Variants in KLK5 observed in about 807,000 individuals in gnomAD.
KLK5 encodes the protein kallikrein related peptidase 5, also known as kallikrein-5.
A neutral mutation model predicts 24.0 loss-of-function variants in KLK5; 18 were observed. The observed-to-expected ratio is 0.75, with a 90% confidence interval of 0.52 to 1.11. The LOEUF is 1.11. KLK5 is among the 50% of genes most tolerant of loss of function. The pLI is 0.00. For synonymous variants in KLK5, 140 were observed against 154.0 expected, an observed-to-expected ratio of 0.91 and a Z score of 0.67; for missense variants, 374 against 379.2, an observed-to-expected ratio of 0.99 and a Z score of 0.11.
At position 50,948,357 on chromosome 19, in the gene KLK5, A is replaced by G. The variant is rs141071763; in HGVS notation, c.726+283T>C. ...AGGCTAGTCTCAAACTCCTGACCAA[A>G]GGTGATCTGCCTGCCTCAGCCTCCC... is the stretch of plus-strand genomic sequence containing the variant. On this transcript the variant is annotated intron_variant, in intron 5 of 5. Transcript: ENST00000336334. Among the ~76,000 whole-genome samples the G allele has an allele frequency of 1.2e-3, 182 of 152,262 alleles. 3 individuals carry two copies. In the East Asian group the frequency reaches 0.032, roughly 27 times the overall value.
Position 50,943,408 on chromosome 19 carries a change from A to G in KLK5, c.*223T>C. 2.2e-6 allele frequency: 1 copy of G among 461,696 alleles called. No individual in the cohort carries two copies. Among genetic ancestry groups the G allele is most frequent in the East Asian group, 3.4e-5 (1 of 29,840 alleles). 28.6% of individuals were successfully genotyped at this position (461,696 alleles called of 1,614,324 possible). A position where few individuals can be genotyped will look rare whatever the true frequency, so the allele number is the denominator to read the frequency against. On this transcript the variant is annotated 3_prime_UTR_variant, in exon 6 of 6. Transcript: ENST00000336334. ...AGTGCCCCAGGGAGATTGAGACGCA[A>G]CCCCCGCCCTGGACAGTTTTGGAAA...
At chr19:50,950,506 T>C (rs1220476850) in intron 2 of KLK5, among the ~76,000 whole-genome samples, 1 of 151,626 alleles carries the variant, frequency 6.6e-6, no homozygotes, top group Non-Finnish European at 1.5e-5. Context: ...CAGGCCTCAG[T>C]GAGTGGGGTC....
At chr19:50,949,584 C>T (rs1266156555) in intron 3 of KLK5, among the ~76,000 whole-genome samples, 1 of 151,874 alleles carries the variant, frequency 6.6e-6, no homozygotes, top group Non-Finnish European at 1.5e-5. Flanking sequence ...GGCTCCTTCC[C>T]ATTCCCTACC....
In KLK5 at chr19:50,949,913, A is replaced by C. The variant is rs1859992758; in HGVS notation, c.277T>G (p.Cys93Gly). 6.2e-7 allele frequency: 1 copy of C among 1,608,380 alleles called. No individual in the cohort carries two copies. ...ALLLRPNQLY[C>G]GAVLVHPQWL... ...TGTGGATGCACCAACACCGCCCCGC[A>C]GTAGAGCTGGTTGGGCCTTAGCAAC... The change falls in exon 3 of 6, where the codon TGC (cysteine) becomes GGC (glycine). Residue 93 changes from cysteine to glycine, a missense_variant. Coordinates refer to ENST00000336334, the MANE Select transcript of KLK5 (RefSeq NM_012427.5).
intron 2 of KLK5, 90 bp from the exon 3 acceptor site, chr19:50,950,206 G>A: frequency 1.5e-6 from 2 of 1,329,786 alleles, no homozygotes; most frequent in Non-Finnish European, 2.1e-6. Context: ...CCAGCTAGAG[G>A]GTGGGTGTCT....
chr19:50,951,084 A>G (rs1463574184), intron 2 of KLK5, among the ~76,000 whole-genome samples: 1 of 151,952 alleles, frequency 6.6e-6, no homozygotes, highest in Non-Finnish European at 1.5e-5. Flanking sequence ...CAGGACCAGG[A>G]AAGAAGGGCT....
At chr19:50,949,146 C>G (rs757274792) in intron 3 of KLK5, 31 bp from the exon 4 acceptor site, 69 of 1,600,264 alleles carry the variant, frequency 4.3e-5, no homozygotes, top group Non-Finnish European at 5.5e-5. Flanking sequence ...CACCACCAAC[C>G]CTGATCTCTA....
chr19:50,943,576 T>G lies in KLK5; in HGVS notation c.*55A>C, dbSNP rs1476011463. On this transcript the variant is annotated 3_prime_UTR_variant, in exon 6 of 6. Transcript: ENST00000336334. Reference sequence around the variant, plus strand: ...AAGGAATGAGGGTCTGAAAGGAGTGTCAGGGCTGTCCCTGCAGCAGGTGGG... The same window carrying G: ...AAGGAATGAGGGTCTGAAAGGAGTGGCAGGGCTGTCCCTGCAGCAGGTGGG... The G allele has an allele frequency of 6.6e-7, 1 of 1,523,370 alleles. No individual in the cohort carries two copies. Among genetic ancestry groups the G allele is most frequent in the Admixed American group, 1.7e-5 (1 of 58,972 alleles). 94.4% of individuals were successfully genotyped at this position (1,523,370 alleles called of 1,614,324 possible).
chr19:50,947,701 G>C lies in KLK5; in HGVS notation c.726+939C>G, dbSNP rs773256280. ...TCCTCAAGATATTTTACCAGCACTT[G>C]CTAGAAAACTGTCATATTACAGATT... is the stretch of plus-strand genomic sequence containing the variant. On this transcript the variant is annotated intron_variant, in intron 5 of 5. Coordinates refer to ENST00000336334, the MANE Select transcript of KLK5 (RefSeq NM_012427.5). The surrounding 1 kb of genome is among the most constrained non-coding windows in gnomAD (Gnocchi z 8.7). 1.2e-4 allele frequency among the ~76,000 whole-genome samples: 19 copies of C among 152,072 alleles called. No homozygotes were observed. Among genetic ancestry groups the C allele is most frequent in the Non-Finnish European group, 2.5e-4 (17 of 68,024 alleles).
At chr19:50,944,837 G>T (rs973268466) in intron 5 of KLK5, among the ~76,000 whole-genome samples, 2 of 152,020 alleles carry the variant, frequency 1.3e-5, no homozygotes, top group South Asian at 4.2e-4. Flanking sequence ...CATTCGCTTG[G>T]ACTAATTTGT....
intron 5 of KLK5, 72 bp downstream of exon 5, chr19:50,948,559 GATTCTCAGA>G: frequency 6.9e-7 from 1 of 1,452,282 alleles, no homozygotes. Flanking sequence ...GCAATTGCTG[GATTCTCAGA>G]ATTTGGCAAC....
intron 3 of KLK5, 116 bp downstream of exon 3, chr19:50,949,739 A>ACCCCCCCTCCCCCCCCC: frequency 6.9e-6 from 3 of 432,322 alleles, no homozygotes; most frequent in South Asian, 4.8e-5. Flanking sequence ...GACACCCCCA[A>ACCCCCCCTCCCCCCCCC]CCCCACTTCC....
intron 2 of KLK5, among the ~76,000 whole-genome samples, chr19:50,950,890 C>CAA (rs10650166): frequency 0.86 from 85,497 of 99,934 alleles, 37,976 homozygotes; most frequent in South Asian, 0.95. Context: ...AGACTGTCTC[C>CAA]AAAAAAAAAA....
intron 2 of KLK5, among the ~76,000 whole-genome samples, chr19:50,952,073 C>T (rs1012821337): frequency 2.0e-5 from 3 of 152,044 alleles, no homozygotes; most frequent in Admixed American, 6.6e-5. Context: ...GCATCCATAA[C>T]GTCACACTCA....
chr19:50,949,126 T>C lies in KLK5; in HGVS notation c.336-11A>G. ...CGGACTCTGAAAACTCTGAGGAAGATGGGGCAGGTCACCACCAACCCTGAT... is the reference window on the plus strand; with the variant it reads ...CGGACTCTGAAAACTCTGAGGAAGACGGGGCAGGTCACCACCAACCCTGAT... On this transcript the variant is annotated splice_polypyrimidine_tract_variant and intron_variant, in intron 3 of 5. Coordinates refer to ENST00000336334, the MANE Select transcript of KLK5 (RefSeq NM_012427.5). 1 of 1,609,298 alleles carries C rather than the reference T, an allele frequency of 6.2e-7. No homozygotes were observed. Among genetic ancestry groups the C allele is most frequent in the Non-Finnish European group, 8.5e-7 (1 of 1,179,180 alleles).
Position 50,952,617 on chromosome 19 carries a change from G to T in KLK5, c.41C>A (p.Ala14Asp). ...CCCCAGAAGCAAGGCTGTGATCAGA[G>T]CACAGAGCACCCACATCCAGGGGGG... ...ARPPWMWVLC[A>D]LITALLLGVT... is the part of the protein sequence containing the mutation. Residue 14 changes from alanine (A) to aspartate (D), a missense_variant, in exon 2 of 6, where the codon GCT (alanine) becomes GAT (aspartate). Ala to Asp is a moderately radical substitution (Grantham distance 126). Transcript: ENST00000336334. 6.2e-7 allele frequency: 1 copy of T among 1,606,914 alleles called. No individual in the cohort carries two copies.
intron 5 of KLK5, among the ~76,000 whole-genome samples, chr19:50,944,155 C>T (rs2090611493): frequency 1.3e-5 from 2 of 152,070 alleles, no homozygotes; most frequent in African/African-American, 2.4e-5. Flanking sequence ...AGGTGTCCAT[C>T]ACCACACCCG....
At chr19:50,952,711 G>C (rs910868128) in intron 1 of KLK5, 36 bp downstream of exon 1, 3 of 1,442,420 alleles carry the variant, frequency 2.1e-6, no homozygotes, top group African/African-American at 2.8e-5. Flanking sequence ...CAGGCGATCC[G>C]GGGAGCCCTT....
At chr19:50,949,517 T>A (rs911963881) in intron 3 of KLK5, among the ~76,000 whole-genome samples, 1 of 148,608 alleles carries the variant, frequency 6.7e-6, no homozygotes, top group African/African-American at 2.5e-5. Context: ...CAATTCCACC[T>A]CCATCCCAAA....
Sources: gnomAD v4.1 joint callset for allele counts (sites outside exome capture counted in the v4.1 genomes callset) on GRCh38, gnomAD v4.1.1 for gene constraint, Gnocchi (gnomAD v3.1) non-coding constraint, MANE v1.5 for transcripts, NCBI Gene and HGNC (gene_info 2026-07-23, HGNC 2026-07-21) for gene names.